Variants in SUPV3L1 observed in about 807,000 individuals in gnomAD.
SUPV3L1 encodes Suv3 like RNA helicase.
A neutral mutation model predicts 70.0 loss-of-function variants in SUPV3L1; 35 were observed. That is an observed-to-expected ratio of 0.50 (90% CI 0.38 to 0.66). The LOEUF is 0.66. SUPV3L1 is among the 30% of genes least tolerant of loss of function. SUPV3L1 has a pLI of 0.00. For missense variants in SUPV3L1, 777 were observed against 961.5 expected (o/e 0.81, Z 2.54); for synonymous variants, 364 against 341.9 (o/e 1.06, Z -0.71).
intron 3 of SUPV3L1, 82 bp downstream of exon 3, chr10:69,186,632 G>A (rs1181983629): frequency 8.1e-7 from 1 of 1,234,338 alleles, no homozygotes; most frequent in Non-Finnish European, 1.2e-6. Context: ...TCTCTAGAAG[G>A]GCTTATTTGG....
At chr10:69,186,344 A>G (rs202214377) in intron 2 of SUPV3L1, 99 bp from the exon 3 acceptor site, 26,886 of 454,350 alleles carry the variant, frequency 0.059, no homozygotes, top group South Asian at 0.083. Flanking sequence ...AAAAAAAAAA[A>G]GAAAAAAAAA....
chr10:69,190,763 T>C (rs1219742629), intron 5 of SUPV3L1, among the ~76,000 whole-genome samples: 1 of 152,248 alleles, frequency 6.6e-6, no homozygotes, highest in Non-Finnish European at 1.5e-5. Flanking sequence ...TGGAAGACTA[T>C]AGGTCAGTTG....
chr10:69,200,991 T>C (rs1197339944), intron 11 of SUPV3L1, among the ~76,000 whole-genome samples: 1 of 152,220 alleles, frequency 6.6e-6, no homozygotes, highest in African/African-American at 2.4e-5. Flanking sequence ...ACAAACTTTC[T>C]AGTAATAGTC....
At chr10:69,184,721 TCAAA>T (rs942013403) in intron 1 of SUPV3L1, among the ~76,000 whole-genome samples, 21 of 152,092 alleles carry the variant, frequency 1.4e-4, no homozygotes, top group Admixed American at 1.2e-3. Flanking sequence ...CCTCATTCTG[TCAAA>T]CAGTTTTATT....
intron 1 of SUPV3L1, chr10:69,182,762 T>G (rs1020142747): frequency 3.8e-6 from 3 of 799,226 alleles, no homozygotes; most frequent in Non-Finnish European, 3.0e-6. Flanking sequence ...TACTACACTC[T>G]GATATAGCCA....
intron 13 of SUPV3L1, among the ~76,000 whole-genome samples, chr10:69,206,871 G>A (rs984616650): frequency 3.3e-5 from 5 of 152,038 alleles, no homozygotes; most frequent in African/African-American, 1.2e-4. Flanking sequence ...GCTGGGTGTT[G>A]TGGCGGGCGC....
intron 1 of SUPV3L1, among the ~76,000 whole-genome samples, chr10:69,185,273 G>A (rs12262207): frequency 6.6e-6 from 1 of 152,066 alleles, no homozygotes; most frequent in Admixed American, 6.5e-5. Flanking sequence ...TAACATCAGC[G>A]TGGCTTCCTT....
In SUPV3L1 at chr10:69,182,982, C is replaced by T. The variant is rs186575035; in HGVS notation, c.271+2420C>T. ...TTCAGTATTCCTCTCAGATCTTTGT[C>T]TCTACCCTGGACCTCTCTCCTTCAC... On this transcript the variant is annotated intron_variant, in intron 1 of 14. Transcript: ENST00000359655. 3.7e-4 allele frequency among the ~76,000 whole-genome samples: 56 copies of T among 152,302 alleles called. No individual in the cohort carries two copies. The East Asian group carries it at 9.6e-3, about 26-fold the overall frequency.
intron 13 of SUPV3L1, among the ~76,000 whole-genome samples, chr10:69,207,322 CT>C (rs985060883): frequency 6.6e-6 from 1 of 152,022 alleles, no homozygotes; most frequent in African/African-American, 2.4e-5. Flanking sequence ...AGGAAATCAT[CT>C]TTTTTTGTTT....
intron 13 of SUPV3L1, among the ~76,000 whole-genome samples, chr10:69,203,604 C>T (rs1380494768): frequency 1.4e-5 from 2 of 142,966 alleles, no homozygotes; most frequent in African/African-American, 5.2e-5. Context: ...GCAGAGGTTG[C>T]AGTGAGCCAA....
chr10:69,191,940 G>A (rs1589381822), intron 6 of SUPV3L1, 174 bp downstream of exon 6: 7 of 466,158 alleles, frequency 1.5e-5, no homozygotes, highest in South Asian at 8.9e-5. Flanking sequence ...CCAAGTAGCC[G>A]GGATTACAGG....
Position 69,180,397 on chromosome 10 carries a change from C to T in SUPV3L1, c.106C>T (p.Pro36Ser), listed in dbSNP as rs1295313686. The part of the protein sequence containing the change: ...SALRPHFGPF[P>S]GVLGQVSVLA... ...CCTTCGTCCCCACTTTGGGCCCTTT[C>T]CCGGGGTTCTGGGGCAAGTTTCTGT... Residue 36 changes from proline (P) to serine (S), a missense_variant, in exon 1 of 15, where the codon CCC (proline) becomes TCC (serine). This residue lies in a region of SUPV3L1 where 158 missense variants were observed against 138.3 expected (regional missense o/e 1.14). Coordinates refer to ENST00000359655, the MANE Select transcript of SUPV3L1 (RefSeq NM_003171.5). The T allele has an allele frequency of 1.2e-6, 2 of 1,614,268 alleles. No individual in the cohort carries two copies.
Position 69,197,353 on chromosome 10 carries a change from C to T in SUPV3L1, c.1023+270C>T, listed in dbSNP as rs73278611. 6.9e-3 allele frequency among the ~76,000 whole-genome samples: 1,051 copies of T among 151,828 alleles called. 17 individuals carry two copies. The highest frequency in any genetic ancestry group is 0.024 in the African/African-American group (976 of 41,360). ...CTTGTGGGGCTTGAGTAGATCTCTT[C>T]GAATTAAATAAATCAGTACTCTTAG... On this transcript the variant is annotated intron_variant, in intron 8 of 14. Coordinates refer to ENST00000359655, the MANE Select transcript of SUPV3L1 (RefSeq NM_003171.5).
chr10:69,197,752 G>C (rs1484181722), intron 8 of SUPV3L1, among the ~76,000 whole-genome samples: 1 of 151,966 alleles, frequency 6.6e-6, no homozygotes, highest in Non-Finnish European at 1.5e-5. Context: ...TATTTTTTGA[G>C]CAGAGGGCAT....
Position 69,189,775 on chromosome 10 carries a change from T to C in SUPV3L1, c.741+340T>C, listed in dbSNP as rs1161728382. The stretch of plus-strand genomic sequence containing the variant: ...CATTCTCTTGCCTCAGCCTCCCCAG[T>C]AGCTGGGACTACAGGCGCCCACCAC... On this transcript the variant is annotated intron_variant, in intron 5 of 14. Transcript: ENST00000359655. Among the ~76,000 whole-genome samples, 3 of 151,584 alleles carry C rather than the reference T, an allele frequency of 2.0e-5. No individual in the cohort carries two copies. In the East Asian group the frequency reaches 5.8e-4, roughly 29 times the overall value.
At position 69,180,351 on chromosome 10, in the gene SUPV3L1, C is replaced by T. The variant is rs761259439; in HGVS notation, c.60C>T (p.His20=). The T allele has an allele frequency of 1.2e-6, 2 of 1,614,056 alleles. No homozygotes were observed. The highest frequency in any genetic ancestry group is 1.3e-5 in the African/African-American group (1 of 74,958). Residue 20 remains histidine (H), a synonymous_variant, in exon 1 of 15, where the codon CAC becomes CAT. Transcript: ENST00000359655. ...ARLPAGRQAG[H]RAAICSALRP... ...TCCCGGCGGGGCGCCAGGCTGGCCACCGGGCAGCCATCTGCTCTGCCCTTC... is the reference window on the plus strand; with the variant it reads ...TCCCGGCGGGGCGCCAGGCTGGCCATCGGGCAGCCATCTGCTCTGCCCTTC...
At chr10:69,202,099 A>G (rs1179367251) in intron 11 of SUPV3L1, among the ~76,000 whole-genome samples, 1 of 152,100 alleles carries the variant, frequency 6.6e-6, no homozygotes, top group East Asian at 1.9e-4. Context: ...TTGGCCTCCC[A>G]AAGTGCTGGG....
At chr10:69,199,026 AG>A in intron 9 of SUPV3L1, 77 bp from the exon 10 acceptor site, 3 of 1,073,210 alleles carry the variant, frequency 2.8e-6, no homozygotes, top group Non-Finnish European at 4.1e-6. Context: ...ACAGGAGGTG[AG>A]GGTTTCCAAG....
chr10:69,199,090 T>A lies in SUPV3L1; in HGVS notation c.1205-14T>A. On this transcript the variant is annotated splice_polypyrimidine_tract_variant and intron_variant, in intron 9 of 14. Coordinates refer to ENST00000359655, the MANE Select transcript of SUPV3L1 (RefSeq NM_003171.5). ...CTGAGAACACTGATTTAACATAAAT[T>A]GTTCTTGTTTTAGGGACCAAACTTG... is the stretch of plus-strand genomic sequence containing the variant. The A allele has an allele frequency of 5.0e-6, 8 of 1,599,166 alleles. No homozygotes were observed. The highest frequency in any genetic ancestry group is 6.8e-6 in the Non-Finnish European group (8 of 1,171,900).
Sources: allele counts gnomAD v4.1 joint callset (sites outside exome capture counted in the v4.1 genomes callset), GRCh38; gene constraint gnomAD v4.1.1; regional missense constraint gnomAD v4.1.1; transcripts MANE v1.5; gene names NCBI Gene and HGNC (gene_info 2026-07-23, HGNC 2026-07-21).